Variants in NRG3 observed in about 807,000 individuals in gnomAD.
NRG3 encodes the protein neuregulin 3.
A neutral mutation model predicts 66.9 loss-of-function variants in NRG3; 31 were observed. The ratio of observed to expected loss-of-function variants is 0.46; its 90% CI spans 0.35 to 0.63. NRG3 has a LOEUF of 0.63. Among genes scored for constraint, NRG3 ranks in the 20% least tolerant of loss-of-function variants. The pLI is 0.00. For synonymous variants in NRG3, 393 were observed against 359.4 expected (o/e 1.09, Z -1.06); for missense variants, 910 against 878.9 (o/e 1.04, Z -0.45).
intron 1 of NRG3, among the ~76,000 whole-genome samples, chr10:82,147,360 C>A (rs964290580): frequency 6.6e-6 from 1 of 152,124 alleles, no homozygotes. Context: ...TTTGGATATG[C>A]CTCTGAACAA....
At chr10:82,630,099 G>C (rs1285266458) in intron 2 of NRG3, among the ~76,000 whole-genome samples, 1 of 152,114 alleles carries the variant, frequency 6.6e-6, no homozygotes, top group Non-Finnish European at 1.5e-5. Flanking sequence ...TCCAGCCAGG[G>C]AGTATGGTGG....
intron 1 of NRG3, among the ~76,000 whole-genome samples, chr10:81,939,524 A>T (rs183286672): frequency 1.9e-4 from 29 of 151,530 alleles, no homozygotes; most frequent in African/African-American, 6.8e-4. Context: ...GGAATTTATC[A>T]CTTTCTTCTA....
At chr10:82,547,085 CA>C (rs1452498370) in intron 2 of NRG3, among the ~76,000 whole-genome samples, 3 of 151,908 alleles carry the variant, frequency 2.0e-5, no homozygotes, top group Non-Finnish European at 4.4e-5. Context: ...AAAAATTACT[CA>C]AAAGTGTCAG....
At chr10:82,730,622 C>A (rs1469623669) in intron 2 of NRG3, among the ~76,000 whole-genome samples, 2 of 152,106 alleles carry the variant, frequency 1.3e-5, no homozygotes, top group East Asian at 1.9e-4. Flanking sequence ...TACCTGTAGC[C>A]AGTCTGTAGG....
chr10:82,958,196 G>T (rs1850262147), intron 5 of NRG3, among the ~76,000 whole-genome samples: 1 of 152,214 alleles, frequency 6.6e-6, no homozygotes, highest in African/African-American at 2.4e-5. Context: ...AAACTATGGA[G>T]GCAGGTTGGC....
intron 4 of NRG3, among the ~76,000 whole-genome samples, chr10:82,911,384 C>A (rs922936644): frequency 2.0e-5 from 3 of 152,004 alleles, no homozygotes; most frequent in Non-Finnish European, 2.9e-5. Flanking sequence ...CCCCAGGTAA[C>A]ATAGATTCTT....
intron 1 of NRG3, among the ~76,000 whole-genome samples, chr10:81,990,478 T>G (rs190571937): frequency 8.5e-5 from 13 of 152,210 alleles, no homozygotes; most frequent in Non-Finnish European, 1.6e-4. Flanking sequence ...TTTTGAAGTT[T>G]GAGGCTGCAA....
At chr10:82,775,699 T>C (rs2059888009) in intron 3 of NRG3, among the ~76,000 whole-genome samples, 1 of 152,160 alleles carries the variant, frequency 6.6e-6, no homozygotes, top group Non-Finnish European at 1.5e-5. Flanking sequence ...AATAGTGAGG[T>C]ATTGGCATCC....
intron 1 of NRG3, among the ~76,000 whole-genome samples, chr10:81,949,827 A>T (rs1238365936): frequency 6.6e-6 from 1 of 152,152 alleles, no homozygotes; most frequent in African/African-American, 2.4e-5. Context: ...TGAGAAAAGA[A>T]TTTTCTTGAG....
chr10:82,535,727 A>G (rs1847744579), intron 2 of NRG3, among the ~76,000 whole-genome samples: 1 of 152,214 alleles, frequency 6.6e-6, no homozygotes, highest in African/African-American at 2.4e-5. Context: ...AAAAATGCTT[A>G]AATGTCTTAA....
chr10:82,835,586 C>T (rs955838625), intron 3 of NRG3, among the ~76,000 whole-genome samples: 1 of 152,088 alleles, frequency 6.6e-6, no homozygotes, highest in African/African-American at 2.4e-5. Flanking sequence ...GTCTCAATCC[C>T]TCATTTTCTT....
intron 1 of NRG3, among the ~76,000 whole-genome samples, chr10:81,879,996 T>A (rs1842034717): frequency 6.6e-6 from 1 of 152,194 alleles, no homozygotes; most frequent in Admixed American, 6.5e-5. Flanking sequence ...GAGCTCAGGA[T>A]CAATATTTCT....
intron 1 of NRG3, among the ~76,000 whole-genome samples, chr10:81,933,661 G>A (rs757637489): frequency 4.6e-5 from 7 of 152,022 alleles, no homozygotes; most frequent in Non-Finnish European, 1.0e-4. Flanking sequence ...ATACTTTCAG[G>A]CACCTCTTCT....
At chr10:82,369,211 G>A (rs1277076672) in intron 2 of NRG3, among the ~76,000 whole-genome samples, 1 of 138,954 alleles carries the variant, frequency 7.2e-6, no homozygotes, top group Non-Finnish European at 1.5e-5. Context: ...TACATGCTTC[G>A]CCTCCCCACT....
In NRG3 at chr10:82,755,511, C is replaced by T. The variant is rs576308527; in HGVS notation, c.1027+16861C>T. Among the ~76,000 whole-genome samples, 4 of 152,208 alleles carry T rather than the reference C, an allele frequency of 2.6e-5. No homozygotes were observed. In the South Asian group the frequency reaches 8.3e-4, roughly 32 times the overall value. On this transcript the variant is annotated intron_variant, in intron 3 of 8. Transcript: ENST00000372141. ...TCAGGCTAGATGCTGAATCCTATTT[C>T]TAGCTGAAGCTTAGGCCATAGCTTC...
chr10:82,293,088 G>C (rs780320689), intron 1 of NRG3, among the ~76,000 whole-genome samples: 1 of 152,238 alleles, frequency 6.6e-6, no homozygotes, highest in African/African-American at 2.4e-5. Context: ...ACAATACATG[G>C]AGGAGGCTTT....
intron 3 of NRG3, among the ~76,000 whole-genome samples, chr10:82,828,017 A>G (rs2062323387): frequency 6.6e-6 from 1 of 151,796 alleles, no homozygotes; most frequent in Non-Finnish European, 1.5e-5. Context: ...CTCTGCCCCT[A>G]CTCTGAAGGG....
Position 82,349,597 on chromosome 10 carries a change from T to C in NRG3, c.824-9142T>C, listed in dbSNP as rs1483782800. Among the ~76,000 whole-genome samples, 15 of 152,106 alleles carry C rather than the reference T, an allele frequency of 9.9e-5. No homozygotes were observed. In the East Asian group the frequency reaches 2.3e-3, roughly 24 times the overall value. ...TTGAGCTGTGGTGGGCTCCACCCAG[T>C]TCGAGCTTCCCGGCTGCTTTGTTTA... is the stretch of plus-strand genomic sequence containing the variant. On this transcript the variant is annotated intron_variant, in intron 1 of 8. Transcript: ENST00000372141.
chr10:82,839,183 T>C (rs1482620374), intron 3 of NRG3, among the ~76,000 whole-genome samples: 1 of 152,202 alleles, frequency 6.6e-6, no homozygotes, highest in Admixed American at 6.5e-5. Flanking sequence ...TATTAACAAA[T>C]ATTTGAAATC....
Sources: allele counts gnomAD v4.1 joint callset (sites outside exome capture counted in the v4.1 genomes callset), GRCh38; gene constraint gnomAD v4.1.1; transcripts MANE v1.5; gene names NCBI Gene and HGNC (gene_info 2026-07-23, HGNC 2026-07-21).